Variants in VDAC1 observed in about 807,000 individuals in gnomAD.
The protein encoded by VDAC1 is non-selective voltage-gated ion channel VDAC1.
A neutral mutation model predicts 34.7 loss-of-function variants in VDAC1; 10 were observed. That is an observed-to-expected ratio of 0.29 (90% CI 0.18 to 0.49). The LOEUF is 0.49. Ranked by LOEUF, VDAC1 falls within the 20% of genes least tolerant of loss-of-function variation. The pLI, the probability that VDAC1 is intolerant of heterozygous loss-of-function variation, is 0.99. For synonymous variants in VDAC1, 130 were observed against 136.0 expected (o/e 0.96, Z 0.30); for missense variants, 230 against 347.9 (o/e 0.66, Z 2.69).
intron 6 of VDAC1, among the ~76,000 whole-genome samples, chr5:133,979,817 C>G (rs1368723823): frequency 1.3e-5 from 2 of 152,174 alleles, no homozygotes. Flanking sequence ...GAATATAGAA[C>G]AGTTCCCTCC....
chr5:133,998,864 T>C (rs1010353626), intron 1 of VDAC1, among the ~76,000 whole-genome samples: 6 of 152,186 alleles, frequency 3.9e-5, no homozygotes, highest in Admixed American at 6.5e-5. Flanking sequence ...ATGGAACTCC[T>C]CCTGCCCTAC....
At chr5:133,997,513 C>A (rs554936050) in intron 1 of VDAC1, among the ~76,000 whole-genome samples, 1 of 148,974 alleles carries the variant, frequency 6.7e-6, no homozygotes. Context: ...ACCTGGCCAA[C>A]ATGGCAAAAC....
At chr5:134,010,120 C>T in the VDAC1 span, among the ~76,000 whole-genome samples, 2 of 152,252 alleles carry the variant, frequency 1.3e-5, no homozygotes, top group East Asian at 1.9e-4. Flanking sequence ...AGGCTATATG[C>T]GATCAGAATC....
the VDAC1 span, among the ~76,000 whole-genome samples, chr5:134,041,538 C>T: frequency 6.6e-6 from 1 of 152,328 alleles, no homozygotes; most frequent in Non-Finnish European, 1.5e-5. Flanking sequence ...CCCTGGACAT[C>T]AGCGCTGTGA....
At chr5:134,070,316 T>C in the VDAC1 span, among the ~76,000 whole-genome samples, 8 of 152,054 alleles carry the variant, frequency 5.3e-5, no homozygotes, top group African/African-American at 1.9e-4. Flanking sequence ...TAATTTTTTT[T>C]ATTTTTGGTA....
the VDAC1 span, among the ~76,000 whole-genome samples, chr5:134,040,470 G>A: frequency 1.3e-5 from 2 of 152,152 alleles, no homozygotes; most frequent in African/African-American, 4.8e-5. Context: ...AGCTACTCGG[G>A]AGGCTGAGGT....
chr5:134,047,011 G>C, the VDAC1 span, among the ~76,000 whole-genome samples: 1 of 152,170 alleles, frequency 6.6e-6, no homozygotes, highest in African/African-American at 2.4e-5. Flanking sequence ...CCCTAATTCA[G>C]GTAGAAGTGG....
chr5:134,087,995 A>C, the VDAC1 span, among the ~76,000 whole-genome samples: 21 of 150,952 alleles, frequency 1.4e-4, no homozygotes, highest in South Asian at 4.2e-3. Context: ...TACTAAAAAT[A>C]CAAAAAAAAA....
intron 8 of VDAC1, 39 bp from the exon 9 acceptor site, chr5:133,972,901 A>G (rs1201464575): frequency 6.5e-7 from 1 of 1,530,510 alleles, no homozygotes; most frequent in Admixed American, 1.7e-5. Flanking sequence ...AGGAGGAGGA[A>G]TGGAGGAAAG....
chr5:133,973,966 G>T, intron 7 of VDAC1, 118 bp from the exon 8 acceptor site: 1 of 820,298 alleles, frequency 1.2e-6, no homozygotes, highest in Non-Finnish European at 2.0e-6. Flanking sequence ...AATTTTTCAT[G>T]ACCACCTTGT....
At chr5:133,980,634 TAAAAAAAA>T (rs55708320) in intron 6 of VDAC1, 87 bp downstream of exon 6, 1 of 541,064 alleles carries the variant, frequency 1.8e-6, no homozygotes, top group Non-Finnish European at 2.7e-6. Flanking sequence ...TGGGCTTTCT[TAAAAAAAA>T]AAAAAAAAAA....
At chr5:134,093,111 C>T in the VDAC1 span, among the ~76,000 whole-genome samples, 56 of 152,230 alleles carry the variant, frequency 3.7e-4, no homozygotes, top group Admixed American at 3.7e-3. Flanking sequence ...TGGCCCTTGG[C>T]AAGCCTGCAT....
chr5:133,981,169 G>C (rs1365235454), intron 5 of VDAC1, among the ~76,000 whole-genome samples: 7 of 151,992 alleles, frequency 4.6e-5, no homozygotes, highest in Admixed American at 3.9e-4. Context: ...CCACAATAAC[G>C]AAGTGAGAAC....
the VDAC1 span, among the ~76,000 whole-genome samples, chr5:134,080,047 C>T: frequency 6.6e-6 from 1 of 152,194 alleles, no homozygotes; most frequent in African/African-American, 2.4e-5. Flanking sequence ...TTACAGGGGA[C>T]GTGAGGCCCG....
the VDAC1 span, among the ~76,000 whole-genome samples, chr5:134,098,532 C>T: frequency 3.1e-4 from 47 of 152,326 alleles, no homozygotes; most frequent in African/African-American, 1.1e-3. Flanking sequence ...GCCAAGGATT[C>T]CTTTCTTTCA....
In VDAC1 at chr5:133,990,864, G is replaced by A; in HGVS notation, c.314C>T (p.Pro105Leu). 1.3e-6 allele frequency: 2 copies of A among 1,558,814 alleles called. No homozygotes were observed. The highest frequency in any genetic ancestry group is 1.7e-6 in the Non-Finnish European group (2 of 1,151,390). Residue 105 changes from proline to leucine, a missense_variant, in exon 5 of 9, where the codon CCT (proline) becomes CTT (leucine). By Grantham distance (98) the Pro-to-Leu change is moderately conservative. Transcript: ENST00000265333. ...CAGATGAAACTCTTACCCAGTGTTA[G>A]GTGAGAAGGATGAATCGAAGGTCAG... ...LKLTFDSSFS[P>L]NTGKKNAKIK...
chr5:134,056,551 A>G, the VDAC1 span, among the ~76,000 whole-genome samples: 1 of 150,768 alleles, frequency 6.6e-6, no homozygotes, highest in African/African-American at 2.4e-5. Flanking sequence ...GTGATCCTCT[A>G]GCCTCGGCCT....
intron 1 of VDAC1, among the ~76,000 whole-genome samples, chr5:133,993,586 C>G (rs962148451): frequency 2.6e-5 from 4 of 152,200 alleles, no homozygotes; most frequent in Admixed American, 2.0e-4. Flanking sequence ...TGGGAACCCA[C>G]TTCATATTTC....
chr5:133,977,644 CAT>C (rs1338888597), intron 6 of VDAC1, among the ~76,000 whole-genome samples: 3 of 152,336 alleles, frequency 2.0e-5, no homozygotes, highest in South Asian at 2.1e-4. Flanking sequence ...CGGCACAGAT[CAT>C]AGACTGTCTC....
Sources: gnomAD v4.1 joint callset for allele counts (sites outside exome capture counted in the v4.1 genomes callset) on GRCh38, gnomAD v4.1.1 for gene constraint, MANE v1.5 for transcripts, NCBI Gene and HGNC (gene_info 2026-07-23, HGNC 2026-07-21) for gene names.